Variants in CNGB1 observed in about 807,000 individuals in gnomAD.
CNGB1 encodes the protein cyclic nucleotide gated channel subunit beta 1.
CNGB1 carries 126 observed loss-of-function variants against 151.7 expected under a neutral mutation model. That is an observed-to-expected ratio of 0.83 (90% confidence interval 0.72 to 0.96). The LOEUF (loss-of-function observed/expected upper bound fraction) is 0.96, where lower values mean the gene tolerates loss of function less well. Among genes scored for constraint, CNGB1 ranks in the 40% least tolerant of loss-of-function variants. CNGB1 has a pLI of 0.00. For synonymous variants in CNGB1, 623 were observed against 635.1 expected (o/e 0.98, Z 0.29); for missense variants, 1,698 against 1,627.0 (o/e 1.04, Z -0.75).
At chr16:57,895,546 AT>A (rs200850310) in intron 31 of CNGB1, among the ~76,000 whole-genome samples, 11 of 146,266 alleles carry the variant, frequency 7.5e-5, no homozygotes, top group African/African-American at 1.3e-4. Flanking sequence ...TTATATATGT[AT>A]TTTTTATATA....
chr16:57,958,464 G>A lies in CNGB1; in HGVS notation c.783C>T (p.His261=), dbSNP rs747151123. The change falls in exon 11 of 33, where the codon CAC becomes CAT. Residue 261 remains histidine, a synonymous_variant. Transcript: ENST00000251102. The part of the protein sequence containing the change: ...DPARLVAWVL[H]RLEMALPQPV... The stretch of plus-strand genomic sequence containing the variant: ...GCTGCGGCAAGGCCATCTCCAGCCT[G>A]TGCAGGACCCATGCCACCAGCCTGC... 2.5e-6 allele frequency: 4 copies of A among 1,614,070 alleles called. No homozygotes were observed. Among genetic ancestry groups the A allele is most frequent in the South Asian group, 1.1e-5 (1 of 91,090 alleles).
chr16:57,952,925 G>A (rs982463429), intron 12 of CNGB1, among the ~76,000 whole-genome samples: 3 of 152,224 alleles, frequency 2.0e-5, no homozygotes, highest in Non-Finnish European at 4.4e-5. Flanking sequence ...CCTGGAAGGG[G>A]AGGGATTGGG....
intron 18 of CNGB1, among the ~76,000 whole-genome samples, chr16:57,922,413 C>CTCTTTCTTTCTT (rs555422411): frequency 7.0e-6 from 1 of 143,856 alleles, no homozygotes; most frequent in South Asian, 2.2e-4. Context: ...GTTTCTTTCT[C>CTCTTTCTTTCTT]TCTTTCTTTC....
intron 16 of CNGB1, among the ~76,000 whole-genome samples, chr16:57,938,967 T>C (rs1180349747): frequency 6.6e-6 from 1 of 152,144 alleles, no homozygotes; most frequent in Non-Finnish European, 1.5e-5. Flanking sequence ...GACACTCTGT[T>C]AGGAAGTTCT....
At chr16:57,911,684 C>A in intron 25 of CNGB1, 69 bp downstream of exon 25, 1 of 1,601,774 alleles carries the variant, frequency 6.2e-7, no homozygotes, top group Non-Finnish European at 8.5e-7. Flanking sequence ...CCTGGAGTCT[C>A]TGTGCTGCGA....
intron 31 of CNGB1, among the ~76,000 whole-genome samples, chr16:57,895,494 C>T (rs1272051188): frequency 6.7e-6 from 1 of 150,280 alleles, no homozygotes; most frequent in Non-Finnish European, 1.5e-5. Context: ...TTGGCATATA[C>T]ATGTATATGT....
chr16:57,963,025 T>C lies in CNGB1; in HGVS notation c.330A>G (p.Val110=). 1.2e-6 allele frequency: 2 copies of C among 1,613,528 alleles called. No individual in the cohort carries two copies. The highest frequency in any genetic ancestry group is 1.3e-5 in the African/African-American group (1 of 75,042). Residue 110 remains valine (V), a synonymous_variant, in exon 5 of 33, where the codon GTA becomes GTG. Coordinates refer to ENST00000251102, the MANE Select transcript of CNGB1 (RefSeq NM_001297.5). The part of the protein sequence containing the change: ...RRVLTWLMKG[V]EKVIPQPVHS... ...GAACAGGCTGCGGGATCACCTTCTCTACGCCCTTCATGAGCCAGGTCAGTA... is the reference window on the plus strand; with the variant it reads ...GAACAGGCTGCGGGATCACCTTCTCCACGCCCTTCATGAGCCAGGTCAGTA...
At chr16:57,960,309 G>A (rs1962211147) in intron 9 of CNGB1, among the ~76,000 whole-genome samples, 173 bp downstream of exon 9, 1 of 152,172 alleles carries the variant, frequency 6.6e-6, no homozygotes, top group Non-Finnish European at 1.5e-5. Context: ...AGCCTGGACT[G>A]GGGAGGGGAT....
chr16:57,901,735 C>A, intron 27 of CNGB1, 110 bp from the exon 28 acceptor site: 1 of 815,508 alleles, frequency 1.2e-6, no homozygotes. Context: ...ATTGCCCTGC[C>A]GCATGGAACC....
chr16:57,884,525 C>T (rs926435963), intron 32 of CNGB1, 68 bp from the exon 33 acceptor site: 7 of 1,569,854 alleles, frequency 4.5e-6, no homozygotes, highest in Non-Finnish European at 6.1e-6. Flanking sequence ...GTCTTGGACA[C>T]CTCCCTGTTC....
rs987462887 is a variant in CNGB1, at chr16:57,901,575, C to T, written c.2845G>A (p.Ala949Thr). 5 of 1,614,136 alleles carry T rather than the reference C, an allele frequency of 3.1e-6. No individual in the cohort carries two copies. Among genetic ancestry groups the T allele is most frequent in the East Asian group, 2.2e-5 (1 of 44,884 alleles). ...QLPDKMRLDL[A>T]IDVNYNIVSK... is the part of the protein sequence containing the mutation. ...ACGATGTTGTAGTTCACGTCGATGG[C>T]GAGGTCCAGCCGCATCTTGTCTGGA... The change falls in exon 28 of 33, where the codon GCC becomes ACC. Residue 949 changes from alanine to threonine, a missense_variant. Transcript: ENST00000251102.
intron 17 of CNGB1, among the ~76,000 whole-genome samples, chr16:57,926,743 G>A (rs1407936434): frequency 6.6e-6 from 1 of 152,198 alleles, no homozygotes; most frequent in African/African-American, 2.4e-5. Flanking sequence ...ACTTTGGGAG[G>A]CTGAGGCGGG....
At chr16:57,967,601 T>C (rs1962432747) in intron 1 of CNGB1, among the ~76,000 whole-genome samples, 1 of 151,798 alleles carries the variant, frequency 6.6e-6, no homozygotes, top group Admixed American at 6.6e-5. Context: ...GAGGCTGAGG[T>C]GGGAGGATCG....
intron 12 of CNGB1, among the ~76,000 whole-genome samples, chr16:57,954,085 G>A (rs1194307863): frequency 6.6e-6 from 1 of 152,114 alleles, no homozygotes; most frequent in Non-Finnish European, 1.5e-5. Flanking sequence ...CACCTTCAAT[G>A]GCTCCCCATT....
chr16:57,949,249 C>CCTT, intron 14 of CNGB1, 104 bp downstream of exon 14: 1 of 1,591,292 alleles, frequency 6.3e-7, no homozygotes, highest in Non-Finnish European at 8.5e-7. Context: ...CAGCACAGAA[C>CCTT]AACAGAAAGG....
intron 31 of CNGB1, among the ~76,000 whole-genome samples, chr16:57,891,983 C>G (rs1260497705): frequency 6.7e-6 from 1 of 149,780 alleles, no homozygotes; most frequent in Non-Finnish European, 1.5e-5. Flanking sequence ...TTGCAGACTT[C>G]TTGTGCTTAG....
intron 12 of CNGB1, among the ~76,000 whole-genome samples, chr16:57,951,578 C>T (rs1961949617): frequency 6.6e-6 from 1 of 152,120 alleles, no homozygotes; most frequent in Admixed American, 6.5e-5. Context: ...GAGACTTTGG[C>T]TGTTATTGTT....
intron 32 of CNGB1, 42 bp from the exon 33 acceptor site, chr16:57,884,499 G>A (rs1959857206): frequency 3.7e-6 from 6 of 1,610,798 alleles, no homozygotes; most frequent in Non-Finnish European, 5.1e-6. Flanking sequence ...CAGACTCTCG[G>A]AGGGGTCTTG....
At chr16:57,927,124 TGCAGTA>T (rs1480391036) in intron 17 of CNGB1, among the ~76,000 whole-genome samples, 2 of 152,214 alleles carry the variant, frequency 1.3e-5, no homozygotes, top group African/African-American at 4.8e-5. Context: ...TACCTTAGGG[TGCAGTA>T]GCTCGTTAAA....
Sources: gnomAD v4.1 joint callset for allele counts (sites outside exome capture counted in the v4.1 genomes callset) on GRCh38, gnomAD v4.1.1 for gene constraint, MANE v1.5 for transcripts, NCBI Gene and HGNC (gene_info 2026-07-23, HGNC 2026-07-21) for gene names.